The following MAGI2 variants were observed in gnomAD, a reference collection of about 807,000 sequenced individuals.
MAGI2 encodes the protein membrane-associated guanylate kinase, WW and PDZ domain-containing protein 2.
In MAGI2, 35 loss-of-function variants were observed where a neutral mutation model predicts 133.3. That is an observed-to-expected ratio of 0.26 (90% CI 0.20 to 0.35). MAGI2 has a LOEUF of 0.35. Among genes scored for constraint, MAGI2 ranks in the 10% least tolerant of loss-of-function variants. The pLI, the probability that MAGI2 is intolerant of heterozygous loss-of-function variation, is 1.00. For synonymous variants in MAGI2, 729 were observed against 710.6 expected (o/e 1.03, Z -0.41); for missense variants, 1,636 against 1,863.4 (o/e 0.88, Z 2.25).
chr7:79,247,532 G>C (rs923143090), intron 1 of MAGI2, among the ~76,000 whole-genome samples: 1 of 152,124 alleles, frequency 6.6e-6, no homozygotes, highest in Non-Finnish European at 1.5e-5. Flanking sequence ...AGAATGTCTT[G>C]AGCCTAAGAG....
At chr7:79,333,722 A>T (rs189501989) in intron 1 of MAGI2, among the ~76,000 whole-genome samples, 7 of 152,236 alleles carry the variant, frequency 4.6e-5, no homozygotes, top group Admixed American at 2.6e-4. Flanking sequence ...TAATTTGTTA[A>T]CCAGAGTCAT....
intron 14 of MAGI2, among the ~76,000 whole-genome samples, chr7:78,168,743 G>A (rs1825849420): frequency 6.6e-6 from 1 of 152,178 alleles, no homozygotes. Context: ...CTTAACGAGG[G>A]ATCAAAAAGA....
At chr7:78,374,422 T>G (rs1291082027) in intron 6 of MAGI2, among the ~76,000 whole-genome samples, 2 of 152,264 alleles carry the variant, frequency 1.3e-5, no homozygotes, top group East Asian at 3.9e-4. Context: ...TGTTTTTTGC[T>G]TCTTCAATTA....
At chr7:78,461,351 A>C (rs1789969183) in intron 6 of MAGI2, among the ~76,000 whole-genome samples, 1 of 151,534 alleles carries the variant, frequency 6.6e-6, no homozygotes, top group Non-Finnish European at 1.5e-5. Flanking sequence ...GAAAACATTA[A>C]AAATACAAAA....
At chr7:79,127,346 C>G (rs1820515772) in intron 1 of MAGI2, among the ~76,000 whole-genome samples, 1 of 152,070 alleles carries the variant, frequency 6.6e-6, no homozygotes, top group African/African-American at 2.4e-5. Flanking sequence ...AATGGTATTT[C>G]TAGTTCTAGA....
chr7:78,079,835 A>C (rs1815759357), intron 20 of MAGI2, among the ~76,000 whole-genome samples: 1 of 152,204 alleles, frequency 6.6e-6, no homozygotes, highest in Non-Finnish European at 1.5e-5. Context: ...GCGTTTGTGA[A>C]TAGATAGTTG....
rs536275718 is a variant in MAGI2, at chr7:79,167,903, G to A, written c.302-160697C>T. 8.5e-5 allele frequency among the ~76,000 whole-genome samples: 13 copies of A among 152,178 alleles called. No individual in the cohort carries two copies. In the East Asian group the frequency reaches 2.1e-3, roughly 25 times the overall value. ...TGGAAGGTTGTGGGTTTAACGGAAT[G>A]AGGGCAAGGAACACCCGGCCTGCCC... On this transcript the variant is annotated intron_variant, in intron 1 of 21. Transcript: ENST00000354212.
At chr7:78,064,499 T>G (rs1469517028) in intron 21 of MAGI2, among the ~76,000 whole-genome samples, 1 of 152,208 alleles carries the variant, frequency 6.6e-6, no homozygotes, top group East Asian at 1.9e-4. Context: ...GCAGGGTCAT[T>G]AACAATTGGA....
chr7:79,393,693 C>A (rs1844834524), intron 1 of MAGI2, among the ~76,000 whole-genome samples: 1 of 152,114 alleles, frequency 6.6e-6, no homozygotes. Flanking sequence ...TGTTTCATAT[C>A]AATAATTTAA....
chr7:78,203,630 A>G (rs1829468557), intron 10 of MAGI2, among the ~76,000 whole-genome samples: 1 of 152,220 alleles, frequency 6.6e-6, no homozygotes, highest in African/African-American at 2.4e-5. Context: ...CTTTGAAGCA[A>G]TAGTAGTCCT....
At chr7:78,943,666 G>GA (rs933818259) in intron 2 of MAGI2, among the ~76,000 whole-genome samples, 3 of 151,874 alleles carry the variant, frequency 2.0e-5, no homozygotes, top group Admixed American at 6.6e-5. Context: ...GTTGAGTGGA[G>GA]AAAAAAAGGT....
intron 20 of MAGI2, among the ~76,000 whole-genome samples, chr7:78,099,548 C>T (rs1204007273): frequency 6.6e-6 from 1 of 152,062 alleles, no homozygotes; most frequent in African/African-American, 2.4e-5. Flanking sequence ...AAAGATAAGG[C>T]TTTTACCTAA....
At chr7:79,099,718 T>C (rs1318903334) in intron 1 of MAGI2, among the ~76,000 whole-genome samples, 1 of 152,178 alleles carries the variant, frequency 6.6e-6, no homozygotes, top group Admixed American at 6.5e-5. Context: ...TAAGTGAGAA[T>C]ATGCAGTATT....
At chr7:78,678,608 A>G (rs541324815) in intron 2 of MAGI2, among the ~76,000 whole-genome samples, 27 of 152,270 alleles carry the variant, frequency 1.8e-4, no homozygotes, top group African/African-American at 6.3e-4. Flanking sequence ...AACCTAACCT[A>G]TATCTTTCAC....
At chr7:79,186,053 G>A (rs1366387874) in intron 1 of MAGI2, among the ~76,000 whole-genome samples, 1 of 151,200 alleles carries the variant, frequency 6.6e-6, no homozygotes, top group Non-Finnish European at 1.5e-5. Flanking sequence ...GTCTTACAGA[G>A]CCAGTGCTAA....
At chr7:78,021,808 C>A (rs1808421987) in intron 21 of MAGI2, among the ~76,000 whole-genome samples, 1 of 152,180 alleles carries the variant, frequency 6.6e-6, no homozygotes. Flanking sequence ...AACTAAATCT[C>A]TCTGAGCCTC....
intron 2 of MAGI2, among the ~76,000 whole-genome samples, chr7:79,005,598 G>GCTT: frequency 6.6e-6 from 1 of 152,210 alleles, no homozygotes; most frequent in East Asian, 1.9e-4. Flanking sequence ...CTGAATGTCA[G>GCTT]CTTCTTATCT....
At chr7:78,950,742 T>C (rs1282738976) in intron 2 of MAGI2, among the ~76,000 whole-genome samples, 2 of 152,126 alleles carry the variant, frequency 1.3e-5, no homozygotes, top group Non-Finnish European at 2.9e-5. Context: ...TTATGTAAAT[T>C]CAAAACAAAA....
chr7:79,058,213 C>T (rs1813345752), intron 1 of MAGI2, among the ~76,000 whole-genome samples: 1 of 152,034 alleles, frequency 6.6e-6, no homozygotes, highest in Admixed American at 6.6e-5. Flanking sequence ...TAGACATTGA[C>T]TCCCATTAGT....
Sources: allele counts gnomAD v4.1 joint callset (sites outside exome capture counted in the v4.1 genomes callset), GRCh38; gene constraint gnomAD v4.1.1; transcripts MANE v1.5; gene names NCBI Gene and HGNC (gene_info 2026-07-23, HGNC 2026-07-21).